TEX9: variants seen among roughly 807,000 people sequenced by gnomAD.
TEX9 encodes testis expressed 9.
A neutral mutation model predicts 59.6 loss-of-function variants in TEX9; 74 were observed. That is an observed-to-expected ratio of 1.24 (90% confidence interval 1.03 to 1.51). The LOEUF is 1.51. TEX9 is among the 40% of genes most tolerant of loss of function. TEX9 has a pLI of 0.00. For missense variants in TEX9, 522 were observed against 447.8 expected (o/e 1.17, Z -1.49); for synonymous variants, 186 against 152.2 (o/e 1.22, Z -1.64).
chr15:56,330,040 C>A (rs1946365), intron 1 of TEX9, among the ~76,000 whole-genome samples: 77,404 of 143,908 alleles, frequency 0.54, 20,164 homozygotes, highest in Non-Finnish European at 0.57. Context: ...AGAAAAAAAA[C>A]AAACAAACAT....
chr15:56,294,869 A>T (rs2045181624), intron 1 of TEX9, among the ~76,000 whole-genome samples: 1 of 152,162 alleles, frequency 6.6e-6, no homozygotes, highest in Admixed American at 6.5e-5. Context: ...TTAGGGAGGT[A>T]AAAAGGCAGA....
At chr15:56,371,099 C>T (rs970089808) in intron 2 of TEX9, among the ~76,000 whole-genome samples, 1 of 152,160 alleles carries the variant, frequency 6.6e-6, no homozygotes, top group Non-Finnish European at 1.5e-5. Context: ...GATCCTCCCT[C>T]CACCTCCCAC....
At chr15:56,388,352 AT>A (rs2048053989) in intron 4 of TEX9, 119 bp from the exon 5 acceptor site, 2 of 746,758 alleles carry the variant, frequency 2.7e-6, no homozygotes, top group South Asian at 4.5e-5. Context: ...GGTAACTAGA[AT>A]TATAGCAAAG....
chr15:56,430,978 T>C (rs911014455), intron 12 of TEX9, among the ~76,000 whole-genome samples: 4 of 152,118 alleles, frequency 2.6e-5, no homozygotes, highest in Admixed American at 2.6e-4. Context: ...CTGGCCAACA[T>C]AGCAAAATCC....
At chr15:56,329,883 T>C (rs2046104660) in intron 1 of TEX9, among the ~76,000 whole-genome samples, 1 of 152,132 alleles carries the variant, frequency 6.6e-6, no homozygotes. Flanking sequence ...AGGGAACTTC[T>C]TAAACCTAGA....
rs143370734 is a variant in TEX9 at position 56,358,358 on chromosome 15, A to C, written c.-106-15083A>C. Among the ~76,000 whole-genome samples the C allele has an allele frequency of 2.7e-3, 408 of 150,180 alleles. 4 individuals are homozygous for C. The highest frequency in any genetic ancestry group is 9.5e-3 in the African/African-American group (388 of 40,980). ...AGATAAGTTTTTTTTTTTTTTCCAG[A>C]ATCTGGTCGTTGTGCAGTGGAAGGG... On this transcript the variant is annotated intron_variant, in intron 1 of 5. Coordinates refer to the TEX9 transcript ENST00000560827.
intron 1 of TEX9, among the ~76,000 whole-genome samples, chr15:56,345,009 A>G (rs1218043758): frequency 6.8e-6 from 1 of 147,364 alleles, no homozygotes; most frequent in East Asian, 2.0e-4. Context: ...TGATTTACTT[A>G]CTAGTTTTTC....
At chr15:56,405,177 G>A (rs142926773) in intron 9 of TEX9, among the ~76,000 whole-genome samples, 5 of 152,014 alleles carry the variant, frequency 3.3e-5, no homozygotes, top group Non-Finnish European at 4.4e-5. Context: ...GGTGGTGGGC[G>A]CCTGTAGTCT....
chr15:56,249,474 G>C (rs1248784470), intron 1 of TEX9, among the ~76,000 whole-genome samples: 1 of 151,534 alleles, frequency 6.6e-6, no homozygotes, highest in African/African-American at 2.4e-5. Flanking sequence ...AGGGAAGAAA[G>C]GAGGGAGGGA....
chr15:56,317,039 C>A (rs59232912), intron 1 of TEX9, among the ~76,000 whole-genome samples: 1 of 152,082 alleles, frequency 6.6e-6, no homozygotes, highest in African/African-American at 2.4e-5. Context: ...CACTGACCTG[C>A]GCCCACTGTC....
At chr15:56,353,474 C>T (rs2046624628) in intron 1 of TEX9, among the ~76,000 whole-genome samples, 1 of 152,120 alleles carries the variant, frequency 6.6e-6, no homozygotes, top group African/African-American at 2.4e-5. Flanking sequence ...ACAGTGTACA[C>T]TTTTCAGAAT....
chr15:56,339,470 C>T (rs1460332525), intron 1 of TEX9, among the ~76,000 whole-genome samples: 1 of 148,406 alleles, frequency 6.7e-6, no homozygotes. Flanking sequence ...TTTTCCATCC[C>T]ATGTAAGGCC....
Position 56,427,599 on chromosome 15 carries a change from G to T in TEX9, c.964-6G>T, listed in dbSNP as rs795785. The T allele has an allele frequency of 0.91, 1,359,835 of 1,500,138 alleles. 616,950 individuals are homozygous for T. The highest frequency in any genetic ancestry group is 0.98 in the African/African-American group (67,584 of 69,188). The allele number at this position is 1,500,138 out of a possible 1,614,324, so 92.9% of individuals were successfully genotyped here. A position where few individuals can be genotyped will look rare whatever the true frequency, so the allele number is the denominator to read the frequency against. On this transcript the variant is annotated splice_polypyrimidine_tract_variant and splice_region_variant and intron_variant, in intron 10 of 12. Transcript: ENST00000352903. ...AAATATATGGCACTTTTTTTTCCTT[G>T]TGTAGGACATAGCAAATGAAGAACA...
intron 7 of TEX9, among the ~76,000 whole-genome samples, chr15:56,393,420 G>T (rs2048309696): frequency 6.6e-6 from 1 of 152,178 alleles, no homozygotes; most frequent in Non-Finnish European, 1.5e-5. Flanking sequence ...GTATGGCTTA[G>T]TGAGATTTGT....
chr15:56,258,096 TGTAA>T (rs1308547463), intron 1 of TEX9, among the ~76,000 whole-genome samples: 2 of 152,170 alleles, frequency 1.3e-5, no homozygotes, highest in Non-Finnish European at 1.5e-5. Context: ...ATCAGATGGT[TGTAA>T]GTGTGTGATC....
At chr15:56,428,834 G>C in intron 12 of TEX9, 1 of 399,490 alleles carries the variant, frequency 2.5e-6, no homozygotes. Flanking sequence ...ATTAGTCAAG[G>C]TAAATATACT....
chr15:56,338,965 C>G (rs1438934731), intron 1 of TEX9, among the ~76,000 whole-genome samples: 2 of 152,016 alleles, frequency 1.3e-5, no homozygotes. Context: ...ATAGGGGTGT[C>G]CCCTATGCTC....
chr15:56,394,775 T>C lies in TEX9; in HGVS notation c.769T>C (p.Phe257Leu), dbSNP rs2048377258. 2.5e-6 allele frequency: 4 copies of C among 1,613,212 alleles called. No individual in the cohort carries two copies. The African/African-American group carries it at 4.0e-5, about 16-fold the overall frequency. Reference sequence around the variant, plus strand: ...TCAAGTAGAAAAATACAAAACTCTTTTCGAAGAAGCAAACAAAAAGTATGA... The same window carrying C: ...TCAAGTAGAAAAATACAAAACTCTTCTCGAAGAAGCAAACAAAAAGTATGA... The change falls in exon 9 of 13, where the codon TTC becomes CTC. Residue 257 changes from phenylalanine to leucine, a missense_variant. Coordinates refer to ENST00000352903, the Ensembl canonical transcript of TEX9.
Position 56,247,088 on chromosome 15 carries a change from T to G in TEX9, c.-107+2810T>G, listed in dbSNP as rs140324466. On this transcript the variant is annotated intron_variant, in intron 1 of 5. Transcript: ENST00000560827. ...AATAAATATTTGTGGAATTTAGTAG[T>G]TAACTAACCCTCATTTTCCTAGCCC... Among the ~76,000 whole-genome samples, 232 of 152,346 alleles carry G rather than the reference T, an allele frequency of 1.5e-3. 1 individual carries two copies. The highest frequency in any genetic ancestry group is 5.5e-3 in the African/African-American group (229 of 41,588).
Sources: gnomAD v4.1 joint callset for allele counts (sites outside exome capture counted in the v4.1 genomes callset) on GRCh38, gnomAD v4.1.1 for gene constraint, MANE v1.5 for transcripts, NCBI Gene and HGNC (gene_info 2026-07-23, HGNC 2026-07-21) for gene names.